The following C6orf52 variants were observed in gnomAD, a reference collection of about 807,000 sequenced individuals.
C6orf52 encodes the protein putative uncharacterized protein C6orf52.
A neutral mutation model predicts 16.6 loss-of-function variants in C6orf52; 16 were observed. The ratio of observed to expected loss-of-function variants is 0.96; its 90% CI spans 0.65 to 1.46. C6orf52 has a LOEUF of 1.46. C6orf52 is among the 40% of genes most tolerant of loss of function. The pLI is 0.00. For synonymous variants in C6orf52, 53 were observed against 61.4 expected (o/e 0.86, Z 0.64); for missense variants, 166 against 182.3 (o/e 0.91, Z 0.52).
In C6orf52 at chr6:10,679,581, CA is replaced by C. The variant is rs998435526; in HGVS notation, c.316+3605del. Among the ~76,000 whole-genome samples the C allele has an allele frequency of 3.1e-3, 334 of 108,910 alleles. 2 individuals carry two copies. In the African/African-American group the frequency reaches 0.038, roughly 12 times the overall value. The allele number at this position is 108,910 out of a possible 152,430, so 71.4% of individuals were successfully genotyped here. ...CTTCTAACTTGTTAAAAAAAAAAAA[CA>C]AAAAACAAAAACCATAGTCTCTGTG... On this transcript the variant is annotated intron_variant, in intron 4 of 4. Transcript: ENST00000259983.
chr6:10,682,566 G>A (rs1768493518), intron 4 of C6orf52, among the ~76,000 whole-genome samples: 1 of 151,618 alleles, frequency 6.6e-6, no homozygotes, highest in African/African-American at 2.4e-5. Context: ...TTGGGCAAGA[G>A]AGAGATTAGA....
At chr6:10,679,585 AAAC>A (rs1217709960) in intron 4 of C6orf52, among the ~76,000 whole-genome samples, 178 of 138,594 alleles carry the variant, frequency 1.3e-3, no homozygotes, top group African/African-American at 5.7e-3. Flanking sequence ...AAAAAACAAA[AAAC>A]AAAAACCATA....
intron 4 of C6orf52, among the ~76,000 whole-genome samples, chr6:10,677,284 T>C (rs924216841): frequency 7.2e-5 from 11 of 152,188 alleles, no homozygotes; most frequent in Admixed American, 7.2e-4. Flanking sequence ...CTTTTCCCCA[T>C]TGTGTGTTCT....
At position 10,686,086 on chromosome 6, in the gene C6orf52, A is replaced by G. The variant is rs146226977; in HGVS notation, c.270+880T>C. ...CGCTCTGTTGCTCAGGCTGGAGTAC[A>G]ATGGCACAATCATGGCTCATTGCAG... On this transcript the variant is annotated intron_variant, in intron 3 of 4. Coordinates refer to ENST00000259983, the MANE Select transcript of C6orf52 (RefSeq NM_001145020.3). Among the ~76,000 whole-genome samples the G allele has an allele frequency of 2.6e-5, 4 of 152,328 alleles. No homozygotes were observed. The East Asian group carries it at 5.8e-4, about 22-fold the overall frequency.
intron 4 of C6orf52, among the ~76,000 whole-genome samples, chr6:10,672,101 C>A (rs1767473951): frequency 6.6e-6 from 1 of 152,184 alleles, no homozygotes; most frequent in Non-Finnish European, 1.5e-5. Context: ...ATCTCCGAAC[C>A]CTGGAACCCT....
Position 10,694,592 on chromosome 6 carries a change from GCCCCTA to G in C6orf52, c.-116_-111del. ...AACAATGCACGCTGCCGGCGCTACAGCCCCTAAGCAACCGGCCGGAAGTCGGCCCCA... is the reference window on the plus strand; with the variant it reads ...AACAATGCACGCTGCCGGCGCTACAGAGCAACCGGCCGGAAGTCGGCCCCA... On this transcript the variant is annotated 5_prime_UTR_variant, in exon 1 of 5. Coordinates refer to ENST00000259983, the MANE Select transcript of C6orf52 (RefSeq NM_001145020.3). 2.2e-5 allele frequency: 4 copies of G among 180,828 alleles called. No individual in the cohort carries two copies. The highest frequency in any genetic ancestry group is 5.8e-5 in the Admixed American group (1 of 17,118). 11.2% of individuals were successfully genotyped at this position (180,828 alleles called of 1,614,324 possible).
At chr6:10,683,047 G>A in intron 4 of C6orf52, 140 bp downstream of exon 4, 1 of 534,606 alleles carries the variant, frequency 1.9e-6, no homozygotes, top group Non-Finnish European at 3.3e-6. Flanking sequence ...AAAAACAGGA[G>A]AAATTACTGA....
chr6:10,684,975 T>C (rs879563178), intron 3 of C6orf52: 52 of 1,049,570 alleles, frequency 5.0e-5, no homozygotes, highest in Non-Finnish European at 6.3e-5. Flanking sequence ...GAAAAATGCA[T>C]GTTATAGTAA....
chr6:10,685,618 A>T (rs1226085151), intron 3 of C6orf52, among the ~76,000 whole-genome samples: 2 of 152,226 alleles, frequency 1.3e-5, no homozygotes, highest in African/African-American at 2.4e-5. Flanking sequence ...TAGACTCCAA[A>T]GTGTTAATTT....
Position 10,671,543 on chromosome 6 carries a change from A to G in C6orf52, c.372T>C (p.Ser124=). ...TCATGAGGGAGTCGTAGAGTTCTTC[A>G]CTTTTCACCATAAACTCTTGGTTTG... is the stretch of plus-strand genomic sequence containing the variant. ...EESNQEFMVK[S]EELYDSLMNC... Residue 124 remains serine, a synonymous_variant, in exon 5 of 5, where the codon AGT becomes AGC. Coordinates refer to ENST00000259983, the MANE Select transcript of C6orf52 (RefSeq NM_001145020.3). The G allele has an allele frequency of 6.5e-7, 1 of 1,548,994 alleles. No individual in the cohort carries two copies.
intron 4 of C6orf52, among the ~76,000 whole-genome samples, chr6:10,681,331 G>C (rs1425574359): frequency 6.6e-6 from 1 of 152,070 alleles, no homozygotes; most frequent in East Asian, 1.9e-4. Context: ...ATCTGATTTT[G>C]AGTTTCTTTT....
intron 4 of C6orf52, chr6:10,672,698 C>G (rs1384394310): frequency 8.0e-6 from 5 of 622,450 alleles, no homozygotes; most frequent in Non-Finnish European, 8.6e-6. Context: ...ACATTCTCTC[C>G]TACAATGCAT....
chr6:10,691,846 T>A (rs568478811), intron 1 of C6orf52, among the ~76,000 whole-genome samples: 1 of 152,292 alleles, frequency 6.6e-6, no homozygotes, highest in African/African-American at 2.4e-5. Context: ...TTTTTTTTCT[T>A]TTTAAAGTAA....
chr6:10,687,273 A>G, intron 2 of C6orf52, 109 bp from the exon 3 acceptor site: 1 of 838,974 alleles, frequency 1.2e-6, no homozygotes. Flanking sequence ...GTTCAAAGCC[A>G]TAGTTTGATA....
chr6:10,692,322 C>T lies in C6orf52; in HGVS notation c.-12+2172G>A, dbSNP rs368089105. Among the ~76,000 whole-genome samples the T allele has an allele frequency of 1.4e-3, 218 of 152,320 alleles. 8 individuals are homozygous for T. In the South Asian group the frequency reaches 0.045, roughly 31 times the overall value. On this transcript the variant is annotated intron_variant, in intron 1 of 4. Transcript: ENST00000259983. Reference sequence around the variant, plus strand: ...ACGTCCAGAGGACACTTACTTCACACTCCTCTAATCTTAGTGGTTCTCTGG... The same window carrying T: ...ACGTCCAGAGGACACTTACTTCACATTCCTCTAATCTTAGTGGTTCTCTGG...
chr6:10,681,144 G>C (rs1284086345), intron 4 of C6orf52, among the ~76,000 whole-genome samples: 1 of 151,994 alleles, frequency 6.6e-6, no homozygotes, highest in Non-Finnish European at 1.5e-5. Context: ...CCTTATTATT[G>C]GTCTGTTCAG....
Position 10,694,599 on chromosome 6 carries a change from AGCAACCG to A in C6orf52, c.-124_-118del. Reference sequence around the variant, plus strand: ...CACGCTGCCGGCGCTACAGCCCCTAAGCAACCGGCCGGAAGTCGGCCCCACCTCCTCC... The same window carrying A: ...CACGCTGCCGGCGCTACAGCCCCTAAGCCGGAAGTCGGCCCCACCTCCTCC... On this transcript the variant is annotated 5_prime_UTR_variant, in exon 1 of 5. Transcript: ENST00000259983. 5.6e-6 allele frequency: 1 copy of A among 178,264 alleles called. No homozygotes were observed. Among genetic ancestry groups the A allele is most frequent in the Non-Finnish European group, 1.2e-5 (1 of 82,422 alleles). The allele number at this position is 178,264 out of a possible 1,614,324, so 11.0% of individuals were successfully genotyped here. A position where few individuals can be genotyped will look rare whatever the true frequency, so the allele number is the denominator to read the frequency against.
intron 4 of C6orf52, 42 bp downstream of exon 4, chr6:10,683,145 G>A: frequency 7.5e-7 from 1 of 1,340,180 alleles, no homozygotes; most frequent in Non-Finnish European, 1.0e-6. Context: ...ACCAGGAAAT[G>A]GGGTTTTGTT....
rs73439094 is a variant in C6orf52 at position 10,694,492 on chromosome 6, A to G, written c.-272+211T>C. 11,199 of 156,098 alleles carry G rather than the reference A, an allele frequency of 0.072. 1,201 individuals are homozygous for G. Among genetic ancestry groups the G allele is most frequent in the African/African-American group, 0.24 (9,766 of 41,368 alleles). 9.7% of individuals were successfully genotyped at this position (156,098 alleles called of 1,614,324 possible). ...GCGAACCCTAATCCCACCCCTCCTT[A>G]CCCTATTAACGACAGAAAGCCTCGT... On this transcript the variant is annotated intron_variant, in intron 1 of 5. Coordinates refer to the C6orf52 transcript ENST00000503680.
Sources: gnomAD v4.1 joint callset for allele counts (sites outside exome capture counted in the v4.1 genomes callset) on GRCh38, gnomAD v4.1.1 for gene constraint, MANE v1.5 for transcripts, NCBI Gene and HGNC (gene_info 2026-07-23, HGNC 2026-07-21) for gene names.